CNBD1: variants seen among roughly 807,000 people sequenced by gnomAD.
CNBD1 encodes the protein cyclic nucleotide binding domain containing 1.
Under a neutral mutation model 54.4 loss-of-function variants are expected in CNBD1, and 71 were observed. That is an observed-to-expected ratio of 1.30 (90% confidence interval 1.08 to 1.59). The LOEUF (loss-of-function observed/expected upper bound fraction) is 1.59, where lower values mean the gene tolerates loss of function less well. CNBD1 is among the 40% of genes most tolerant of loss of function. CNBD1 has a pLI of 0.00. For synonymous variants in CNBD1, 182 were observed against 170.7 expected (o/e 1.07, Z -0.51); for missense variants, 659 against 518.0 (o/e 1.27, Z -2.64).
chr8:86,870,267 C>T (rs748602011), intron 1 of CNBD1, among the ~76,000 whole-genome samples: 6 of 139,328 alleles, frequency 4.3e-5, no homozygotes, highest in African/African-American at 2.7e-5. Context: ...CATTTCACTG[C>T]AAACTCTGCC....
At chr8:87,100,867 G>A (rs1294993767) in intron 4 of CNBD1, among the ~76,000 whole-genome samples, 2 of 152,164 alleles carry the variant, frequency 1.3e-5, no homozygotes, top group African/African-American at 4.8e-5. Flanking sequence ...TTTACAGAGG[G>A]AACGGTCTCT....
chr8:86,935,450 G>A (rs1167109482), intron 3 of CNBD1, among the ~76,000 whole-genome samples: 1 of 152,152 alleles, frequency 6.6e-6, no homozygotes, highest in Non-Finnish European at 1.5e-5. Flanking sequence ...CAATTAAAAT[G>A]TTATATTTCT....
chr8:87,140,611 C>T (rs1812352365), intron 4 of CNBD1, among the ~76,000 whole-genome samples: 1 of 151,948 alleles, frequency 6.6e-6, no homozygotes, highest in South Asian at 2.1e-4. Context: ...GGAGAGAGTA[C>T]AATGGGGTAT....
intron 3 of CNBD1, among the ~76,000 whole-genome samples, chr8:86,921,060 A>T (rs1259940690): frequency 6.6e-6 from 1 of 152,166 alleles, no homozygotes; most frequent in Non-Finnish European, 1.5e-5. Flanking sequence ...CTTAAAAAAA[A>T]TCTCTGCAAA....
chr8:87,228,971 G>T (rs1336556667), intron 5 of CNBD1, among the ~76,000 whole-genome samples: 2 of 152,330 alleles, frequency 1.3e-5, no homozygotes, highest in African/African-American at 2.4e-5. Flanking sequence ...CGTCGGAAAA[G>T]CGCGGTATTC....
intron 4 of CNBD1, among the ~76,000 whole-genome samples, chr8:86,998,407 CA>C (rs1473047736): frequency 2.0e-5 from 3 of 151,884 alleles, no homozygotes; most frequent in African/African-American, 4.8e-5. Context: ...AAATCACCAG[CA>C]AAAAGCACAA....
intron 4 of CNBD1, among the ~76,000 whole-genome samples, chr8:87,126,697 C>A (rs1811996547): frequency 6.6e-6 from 1 of 151,782 alleles, no homozygotes; most frequent in African/African-American, 2.4e-5. Flanking sequence ...TGCATTTTAT[C>A]ATAGCAATTT....
chr8:87,231,311 A>C (rs1814684769), intron 5 of CNBD1, among the ~76,000 whole-genome samples: 1 of 152,170 alleles, frequency 6.6e-6, no homozygotes, highest in Admixed American at 6.6e-5. Flanking sequence ...TAATTGAAAC[A>C]CTATCTCTAA....
chr8:87,140,210 CTT>C (rs1491512833), intron 4 of CNBD1, among the ~76,000 whole-genome samples: 1 of 151,958 alleles, frequency 6.6e-6, no homozygotes, highest in Non-Finnish European at 1.5e-5. Flanking sequence ...CTCTGTCTCT[CTT>C]CTCTCTCTCT....
intron 4 of CNBD1, among the ~76,000 whole-genome samples, chr8:87,119,822 T>TA (rs1467372650): frequency 1.3e-5 from 2 of 152,080 alleles, no homozygotes; most frequent in African/African-American, 4.8e-5. Context: ...TGCTTTTTCT[T>TA]TATCTATTGA....
chr8:87,311,037 T>A (rs1055300274), intron 8 of CNBD1, among the ~76,000 whole-genome samples: 1 of 152,068 alleles, frequency 6.6e-6, no homozygotes, highest in Non-Finnish European at 1.5e-5. Context: ...GACATTGGCC[T>A]TGGGAAAGAA....
intron 6 of CNBD1, among the ~76,000 whole-genome samples, chr8:87,264,743 T>C (rs1392349307): frequency 6.6e-6 from 1 of 152,174 alleles, no homozygotes; most frequent in Non-Finnish European, 1.5e-5. Flanking sequence ...ATTCCTCTGA[T>C]GACTAGTGAT....
intron 4 of CNBD1, among the ~76,000 whole-genome samples, chr8:87,020,666 GAC>G (rs1809467211): frequency 2.6e-5 from 2 of 76,994 alleles, no homozygotes; most frequent in Admixed American, 2.6e-4. Context: ...AACATTATGA[GAC>G]AGGGAAAAAA....
At chr8:87,059,978 C>T (rs114889968) in intron 4 of CNBD1, among the ~76,000 whole-genome samples, 1 of 152,216 alleles carries the variant, frequency 6.6e-6, no homozygotes. Context: ...ACTCCCAGGC[C>T]TTAGAAGCCT....
At chr8:87,047,392 A>G (rs1287257723) in intron 4 of CNBD1, among the ~76,000 whole-genome samples, 1 of 152,190 alleles carries the variant, frequency 6.6e-6, no homozygotes. Flanking sequence ...TCCCAGTTTC[A>G]GTGTTATTAA....
intron 5 of CNBD1, among the ~76,000 whole-genome samples, chr8:87,206,395 T>A (rs1480126097): frequency 2.0e-5 from 3 of 152,166 alleles, no homozygotes; most frequent in Non-Finnish European, 4.4e-5. Context: ...GTGATCACAT[T>A]GAGACCCATA....
At chr8:87,354,155 C>A (rs1810370466) in intron 10 of CNBD1, among the ~76,000 whole-genome samples, 1 of 152,150 alleles carries the variant, frequency 6.6e-6, no homozygotes, top group Non-Finnish European at 1.5e-5. Context: ...CTTCCTGCAA[C>A]TTGCTGGACC....
chr8:86,971,103 A>G (rs1586171836), intron 4 of CNBD1, among the ~76,000 whole-genome samples: 1 of 152,166 alleles, frequency 6.6e-6, no homozygotes, highest in Non-Finnish European at 1.5e-5. Context: ...TTGTTTTCAT[A>G]CTGCTATAAA....
At chr8:87,131,500 A>G (rs927759305) in intron 4 of CNBD1, among the ~76,000 whole-genome samples, 2 of 152,096 alleles carry the variant, frequency 1.3e-5, no homozygotes, top group South Asian at 4.1e-4. Flanking sequence ...TATACATGAT[A>G]TACTTGTATA....
Sources: allele counts gnomAD v4.1 joint callset (sites outside exome capture counted in the v4.1 genomes callset), GRCh38; gene constraint gnomAD v4.1.1; transcripts MANE v1.5; gene names NCBI Gene and HGNC (gene_info 2026-07-23, HGNC 2026-07-21).